FERMT3: variants seen among roughly 807,000 people sequenced by gnomAD.
FERMT3 encodes the protein FERM domain containing kindlin 3.
In FERMT3, 33 loss-of-function variants were observed where a neutral mutation model predicts 80.8. The ratio of observed to expected loss-of-function variants is 0.41; its 90% CI spans 0.31 to 0.55. FERMT3 has a LOEUF of 0.55. FERMT3 is among the 20% of genes least tolerant of loss of function. FERMT3 has a pLI of 0.31. For missense variants in FERMT3, 754 were observed against 908.7 expected, an observed-to-expected ratio of 0.83 and a Z score of 2.19; for synonymous variants, 375 against 372.2, an observed-to-expected ratio of 1.01 and a Z score of -0.09.
At position 64,219,840 on chromosome 11, in the gene FERMT3, A is replaced by G. The variant is rs372050214; in HGVS notation, c.1079+51A>G. ...CCCTGCTGGAGGGGTTGGTCTGCAT[A>G]TGGAGGGAGGGGGTGAGGCGGCCTT... On this transcript the variant is annotated intron_variant, in intron 9 of 14. Transcript: ENST00000345728. The surrounding 1 kb of genome is among the most constrained non-coding windows in gnomAD (Gnocchi z 4.0). The G allele has an allele frequency of 9.7e-5, 157 of 1,613,708 alleles. No individual in the cohort carries two copies. Among genetic ancestry groups the G allele is most frequent in the Non-Finnish European group, 1.3e-4 (149 of 1,179,992 alleles).
rs377158010 is a variant in FERMT3 at position 64,218,178 on chromosome 11, GTAT to G, written c.787-1067_787-1065del. On this transcript the variant is annotated intron_variant, in intron 6 of 14. Transcript: ENST00000345728. ...GCCACCACGCCTGGCTAATTTTTTT[GTAT>G]TATTAGTAGAGACAGGGTTTCACTG... 2.1e-3 allele frequency among the ~76,000 whole-genome samples: 315 copies of G among 151,712 alleles called. 5 individuals carry two copies. The Middle Eastern group carries it at 0.037, about 18-fold the overall frequency.
chr11:64,208,084 T>C (rs888360811), intron 2 of FERMT3, among the ~76,000 whole-genome samples: 5 of 143,950 alleles, frequency 3.5e-5, no homozygotes, highest in Non-Finnish European at 7.5e-5. Flanking sequence ...AAGACCCCGA[T>C]AGGCAGAGCC....
chr11:64,211,378 C>A lies in FERMT3; in HGVS notation c.618C>A (p.Asp206Glu). 3 of 1,609,126 alleles carry A rather than the reference C, an allele frequency of 1.9e-6. No homozygotes were observed. The highest frequency in any genetic ancestry group is 8.5e-7 in the Non-Finnish European group (1 of 1,178,506). The change falls in exon 5 of 15, where the codon GAC becomes GAA. Residue 206 changes from aspartate to glutamate, a missense_variant. By Grantham distance (45) the Asp-to-Glu change is conservative. Coordinates refer to ENST00000345728, the MANE Select transcript of FERMT3 (RefSeq NM_031471.6). The surrounding 1 kb of genome is among the most constrained non-coding windows in gnomAD (Gnocchi z 4.7). ...TGAGCCGGCCCCAGCCGCCACCCGA[C>A]CCCCTCCTGCTCCAGCGTCTGCCAC... ...HMLSRPQPPP[D>E]PLLLQRLPRP...
rs764034289 is a variant in FERMT3, at chr11:64,211,710, G to T, written c.749G>T (p.Arg250Leu). 23 of 1,614,068 alleles carry T rather than the reference G, an allele frequency of 1.4e-5. No homozygotes were observed. The Admixed American group carries it at 3.8e-4, about 27-fold the overall frequency. The stretch of plus-strand genomic sequence containing the variant: ...AAGGCCGGGGACGCACTCTGGCTGC[G>T]CTTCAAGTACTACAGCTTCTTCGAT... ...GIKAGDALWLRFKYYSFFDLD... is the reference protein window; with the variant it reads ...GIKAGDALWLLFKYYSFFDLD... Residue 250 changes from arginine (R) to leucine (L), a missense_variant, in exon 6 of 15, where the codon CGC becomes CTC. Physicochemically the swap from Arg to Leu is moderately radical, Grantham distance 102. Transcript: ENST00000345728. This position sits in a 1 kb window ranked among gnomAD's most constrained non-coding sequence, Gnocchi z 4.7.
At position 64,219,711 on chromosome 11, in the gene FERMT3, G is replaced by A; in HGVS notation, c.1030-29G>A. 1 of 1,613,704 alleles carries A rather than the reference G, an allele frequency of 6.2e-7. No homozygotes were observed. The highest frequency in any genetic ancestry group is 2.2e-5 in the East Asian group (1 of 44,862). On this transcript the variant is annotated intron_variant, in intron 8 of 14. Transcript: ENST00000345728. The surrounding 1 kb of genome is among the most constrained non-coding windows in gnomAD (Gnocchi z 4.0). ...GGCAGGGAGAACTGTGAGGTACCGG[G>A]TGCCCCTCTGACTCTGGTCCTCCCA...
In FERMT3 at chr11:64,220,342, G is replaced by C. The variant is rs1198854385; in HGVS notation, c.1311+16G>C. 2.5e-6 allele frequency: 4 copies of C among 1,612,144 alleles called. No individual in the cohort carries two copies. The African/African-American group carries it at 4.0e-5, about 16-fold the overall frequency. On this transcript the variant is annotated intron_variant, in intron 11 of 14. Coordinates refer to ENST00000345728, the MANE Select transcript of FERMT3 (RefSeq NM_031471.6). ...GTGCCAGGATGTGAGTGAGGGCTGG[G>C]CAGGGGCCAGGGCCGGGCAGGAGCT... is the stretch of plus-strand genomic sequence containing the variant.
At position 64,210,095 on chromosome 11, in the gene FERMT3, G is replaced by T. The variant is rs1252287349; in HGVS notation, c.161-516G>T. ...TATTGTATCTTACAGGGAAACTGAGGCCCAGTGAGGTTAAGTGGCTTGTCC... is the reference window on the plus strand; with the variant it reads ...TATTGTATCTTACAGGGAAACTGAGTCCCAGTGAGGTTAAGTGGCTTGTCC... On this transcript the variant is annotated intron_variant, in intron 2 of 14. Coordinates refer to ENST00000345728, the MANE Select transcript of FERMT3 (RefSeq NM_031471.6). This position sits in a 1 kb window ranked among gnomAD's most constrained non-coding sequence, Gnocchi z 4.3. 6.6e-6 allele frequency among the ~76,000 whole-genome samples: 1 copy of T among 152,180 alleles called. No homozygotes were observed. Among genetic ancestry groups the T allele is most frequent in the Non-Finnish European group, 1.5e-5 (1 of 68,032 alleles).
rs538440303 is a variant in FERMT3 at position 64,219,181 on chromosome 11, C to A, written c.787-70C>A. 14 of 1,431,020 alleles carry A rather than the reference C, an allele frequency of 9.8e-6. No individual in the cohort carries two copies. Among genetic ancestry groups the A allele is most frequent in the Non-Finnish European group, 1.3e-5 (14 of 1,041,568 alleles). 88.6% of individuals were successfully genotyped at this position (1,431,020 alleles called of 1,614,324 possible). A position where few individuals can be genotyped will look rare whatever the true frequency, so the allele number is the denominator to read the frequency against. ...CAGAGGGCCAAGGCTGGCAGGGGCT[C>A]AGTGCAGGGCGTCCAGGGCAGCTGG... On this transcript the variant is annotated intron_variant, in intron 6 of 14. Coordinates refer to ENST00000345728, the MANE Select transcript of FERMT3 (RefSeq NM_031471.6). This position sits in a 1 kb window ranked among gnomAD's most constrained non-coding sequence, Gnocchi z 4.0.
intron 2 of FERMT3, among the ~76,000 whole-genome samples, chr11:64,208,475 TC>T (rs1946365515): frequency 6.6e-6 from 1 of 152,192 alleles, no homozygotes; most frequent in South Asian, 2.1e-4. Context: ...AGCTCTGTGT[TC>T]CCTGTGGTGG....
rs373722020 is a variant in FERMT3 at position 64,220,589 on chromosome 11, G to A, written c.1465G>A (p.Gly489Ser). The A allele has an allele frequency of 1.2e-5, 20 of 1,609,652 alleles. No individual in the cohort carries two copies. The highest frequency in any genetic ancestry group is 9.4e-5 in the African/African-American group (7 of 74,840). Residue 489 changes from glycine (G) to serine (S), a missense_variant, in exon 12 of 15, where the codon GGC (glycine) becomes AGC (serine). Coordinates refer to ENST00000345728, the MANE Select transcript of FERMT3 (RefSeq NM_031471.6). ...TGGGGGCCCGGGCAACCACCCCCAC[G>A]GCCCTGATGCCTCTGCCGAGGGCCT... ...GSGGPGNHPHGPDASAEGLNP... is the reference protein window; with the variant it reads ...GSGGPGNHPHSPDASAEGLNP...
In FERMT3 at chr11:64,223,584, C is replaced by T. The variant is rs865893923; in HGVS notation, c.*92C>T. 1.4e-5 allele frequency: 20 copies of T among 1,432,282 alleles called. No individual in the cohort carries two copies. In the Middle Eastern group the frequency reaches 6.7e-4, roughly 48 times the overall value. 88.7% of individuals were successfully genotyped at this position (1,432,282 alleles called of 1,614,324 possible). On this transcript the variant is annotated 3_prime_UTR_variant, in exon 15 of 15. Coordinates refer to ENST00000345728, the MANE Select transcript of FERMT3 (RefSeq NM_031471.6). ...GGGGCTCACTGCCCCACACCCGCTC[C>T]AGGCAGGCACCCAGCTGGGCATTTC...
chr11:64,208,228 G>C (rs1017810241), intron 2 of FERMT3, among the ~76,000 whole-genome samples: 1 of 152,188 alleles, frequency 6.6e-6, no homozygotes, highest in Admixed American at 6.5e-5. Context: ...AGGTCAGTCC[G>C]ACTGTGGAGA....
chr11:64,211,490 G>A lies in FERMT3; in HGVS notation c.683+47G>A. 2 of 1,542,208 alleles carry A rather than the reference G, an allele frequency of 1.3e-6. No homozygotes were observed. Among genetic ancestry groups the A allele is most frequent in the African/African-American group, 1.4e-5 (1 of 73,186 alleles). On this transcript the variant is annotated intron_variant, in intron 5 of 14. Coordinates refer to ENST00000345728, the MANE Select transcript of FERMT3 (RefSeq NM_031471.6). The surrounding 1 kb of genome is among the most constrained non-coding windows in gnomAD (Gnocchi z 4.7). ...CCTGTGTCAGGGCTCCCCCACCCAG[G>A]ATCCACCCCCTGTCCCGTGTCTGTG...
chr11:64,207,277 C>G, intron 1 of FERMT3, 74 bp from the exon 2 acceptor site: 3 of 1,579,450 alleles, frequency 1.9e-6, no homozygotes, highest in Non-Finnish European at 2.6e-6. Flanking sequence ...TCCAGGGCAT[C>G]ACAGAGCTCT....
intron 2 of FERMT3, among the ~76,000 whole-genome samples, chr11:64,209,070 TGTG>T (rs1324431522): frequency 1.3e-5 from 2 of 151,868 alleles, no homozygotes; most frequent in South Asian, 2.1e-4. Flanking sequence ...ATTGATTACA[TGTG>T]GTGGCTAGAA....
chr11:64,218,138 G>C (rs1342449937), intron 6 of FERMT3, among the ~76,000 whole-genome samples: 1 of 151,856 alleles, frequency 6.6e-6, no homozygotes, highest in Non-Finnish European at 1.5e-5. Context: ...TGAGTAGCTG[G>C]GATTACAGGC....
intron 2 of FERMT3, among the ~76,000 whole-genome samples, chr11:64,209,513 A>G (rs535013473): frequency 6.6e-6 from 1 of 152,310 alleles, no homozygotes; most frequent in Admixed American, 6.5e-5. Context: ...GGGGCCGGTC[A>G]GGAGAGGGAC....
rs771275085 is a variant in FERMT3 at position 64,220,470 on chromosome 11, G to A, written c.1346G>A (p.Arg449His). The change falls in exon 12 of 15, where the codon CGC (arginine) becomes CAC (histidine). Residue 449 changes from arginine (R) to histidine (H), a missense_variant. Coordinates refer to ENST00000345728, the MANE Select transcript of FERMT3 (RefSeq NM_031471.6). ...QQYARWMAGC[R>H]LASKGRTMAD... ...TATGCCCGCTGGATGGCTGGCTGCC[G>A]CCTGGCCTCCAAAGGCCGCACCATG... 8.1e-6 allele frequency: 13 copies of A among 1,609,308 alleles called. No homozygotes were observed. Among genetic ancestry groups the A allele is most frequent in the Admixed American group, 3.4e-5 (2 of 59,290 alleles).
At chr11:64,206,312 C>T (rs1012066281), upstream of FERMT3, among the ~76,000 whole-genome samples, 1 of 152,182 alleles carries the variant, frequency 6.6e-6, no homozygotes, top group African/African-American at 2.4e-5. Flanking sequence ...AGGCTGGAGC[C>T]GATTTAACCT....
Sources: allele counts gnomAD v4.1 joint callset (sites outside exome capture counted in the v4.1 genomes callset), GRCh38; gene constraint gnomAD v4.1.1; non-coding constraint Gnocchi (gnomAD v3.1); transcripts MANE v1.5; gene names NCBI Gene and HGNC (gene_info 2026-07-23, HGNC 2026-07-21).